TMEM216: variants seen among roughly 807,000 people sequenced by gnomAD.
TMEM216 encodes transmembrane protein 216.
Under a neutral mutation model 17.8 loss-of-function variants are expected in TMEM216, and 15 were observed. The ratio of observed to expected loss-of-function variants is 0.84; its 90% CI spans 0.56 to 1.30. TMEM216 has a LOEUF of 1.30. Ranked by LOEUF, TMEM216 falls within the 50% of genes most tolerant of loss-of-function variation. The probability of loss-of-function intolerance (pLI) is 0.00; values close to 1 mark genes in which losing one functional copy is unlikely to be tolerated. For synonymous variants in TMEM216, 58 were observed against 73.5 expected (o/e 0.79, Z 1.08); for missense variants, 160 against 175.7 (o/e 0.91, Z 0.51).
At chr11:61,392,793 A>C (rs750054635) in intron 1 of TMEM216, 128 bp downstream of exon 1, 28 of 1,521,724 alleles carry the variant, frequency 1.8e-5, no homozygotes, top group Non-Finnish European at 2.3e-5. Flanking sequence ...CCCTGGTCCA[A>C]AGCCGGCTTC....
At chr11:61,396,371 C>T (rs757565948) in intron 3 of TMEM216, among the ~76,000 whole-genome samples, 11 of 151,900 alleles carry the variant, frequency 7.2e-5, no homozygotes, top group Non-Finnish European at 1.3e-4. Context: ...CCCAGCTACT[C>T]GGGAGGGTGA....
Position 61,398,462 on chromosome 11 carries a change from G to T in TMEM216, c.*186G>T. ...CAGTGGGTACCATCTTCTAAACCAG[G>T]ACCATCAGCCCAAGAGACTCTTCTA... On this transcript the variant is annotated 3_prime_UTR_variant, in exon 5 of 5. Transcript: ENST00000515837. The T allele has an allele frequency of 1.6e-6, 1 of 630,776 alleles. No individual in the cohort carries two copies. The highest frequency in any genetic ancestry group is 2.8e-6 in the Non-Finnish European group (1 of 361,302). The allele number at this position is 630,776 out of a possible 1,614,324, so 39.1% of individuals were successfully genotyped here.
At chr11:61,398,192 A>G in intron 4 of TMEM216, 78 bp from the exon 5 acceptor site, 1 of 1,567,588 alleles carries the variant, frequency 6.4e-7, no homozygotes, top group Admixed American at 1.8e-5. Context: ...GAGGCTTGGA[A>G]TATAGAACAG....
chr11:61,395,307 C>T (rs938853044), intron 3 of TMEM216, among the ~76,000 whole-genome samples: 7 of 152,032 alleles, frequency 4.6e-5, no homozygotes, highest in Non-Finnish European at 7.4e-5. Flanking sequence ...CCCAGAAATA[C>T]AGAGCAAAAC....
intron 4 of TMEM216, 137 bp downstream of exon 4, chr11:61,398,112 C>A: frequency 7.2e-7 from 1 of 1,383,102 alleles, no homozygotes; most frequent in Non-Finnish European, 1.0e-6. Flanking sequence ...TATGGGATTG[C>A]CTTTCCTGTT....
intron 4 of TMEM216, 90 bp downstream of exon 4, chr11:61,398,065 T>C: frequency 6.6e-7 from 1 of 1,516,168 alleles, no homozygotes; most frequent in Non-Finnish European, 9.1e-7. Context: ...GCCTAAGGGG[T>C]CTAGAAGACT....
At chr11:61,392,709 G>A in intron 1 of TMEM216, 44 bp downstream of exon 1, 1 of 1,535,968 alleles carries the variant, frequency 6.5e-7, no homozygotes, top group Non-Finnish European at 8.7e-7. Flanking sequence ...CTTTCCCTTC[G>A]GTCGCTCCCT....
Position 61,392,590 on chromosome 11 carries a change from T to TC in TMEM216, c.-40dup. On this transcript the variant is annotated 5_prime_UTR_variant, in exon 1 of 5. Transcript: ENST00000515837. ...AAACCCAGGCCGCTTCGTCCCTGTTTCCGGCAGCGCCGCGCTGCTCCGGGA... is the reference window on the plus strand; with the variant it reads ...AAACCCAGGCCGCTTCGTCCCTGTTTCCCGGCAGCGCCGCGCTGCTCCGGGA... The TC allele has an allele frequency of 6.5e-7, 1 of 1,532,106 alleles. No homozygotes were observed. The highest frequency in any genetic ancestry group is 8.7e-7 in the Non-Finnish European group (1 of 1,144,444). The allele number at this position is 1,532,106 out of a possible 1,614,324, so 94.9% of individuals were successfully genotyped here.
At chr11:61,395,685 A>G (rs1858783208) in intron 3 of TMEM216, among the ~76,000 whole-genome samples, 3 of 151,920 alleles carry the variant, frequency 2.0e-5, no homozygotes, top group African/African-American at 7.2e-5. Flanking sequence ...GCAGTGAGCC[A>G]AGATCGCCCA....
chr11:61,393,361 C>T, intron 2 of TMEM216, 29 bp downstream of exon 2: 1 of 1,434,520 alleles, frequency 7.0e-7, no homozygotes, highest in Non-Finnish European at 9.5e-7. Context: ...TTGACGACAG[C>T]ATCCCTTCCC....
rs1858853129 is a variant in TMEM216, at chr11:61,398,520, C to A, written c.*244C>A. On this transcript the variant is annotated 3_prime_UTR_variant, in exon 5 of 5. Coordinates refer to ENST00000515837, the MANE Select transcript of TMEM216 (RefSeq NM_001173990.3). ...GTATAGGGAGGGGCAAGGTTATTCCCATCCTGCCCCTTCTCAGAACCAGTC... is the reference window on the plus strand; with the variant it reads ...GTATAGGGAGGGGCAAGGTTATTCCAATCCTGCCCCTTCTCAGAACCAGTC... The A allele has an allele frequency of 5.6e-6, 3 of 537,972 alleles. No individual in the cohort carries two copies. The Admixed American group carries it at 9.6e-5, about 17-fold the overall frequency. The allele number at this position is 537,972 out of a possible 1,614,324, so 33.3% of individuals were successfully genotyped here.
chr11:61,395,233 C>A (rs1324070091), intron 3 of TMEM216, among the ~76,000 whole-genome samples: 1 of 151,714 alleles, frequency 6.6e-6, no homozygotes, highest in Non-Finnish European at 1.5e-5. Context: ...GCCTTGGCCT[C>A]CCCAAGGTGC....
rs1479626697 is a variant in TMEM216, at chr11:61,398,042, G to T, written c.431+67G>T. On this transcript the variant is annotated intron_variant, in intron 4 of 4. Coordinates refer to ENST00000515837, the MANE Select transcript of TMEM216 (RefSeq NM_001173990.3). Reference sequence around the variant, plus strand: ...GGTTCCCATCCCAGGGAGGGATTCAGTATTCTTCTGAAGCCTAAGGGGTCT... The same window carrying T: ...GGTTCCCATCCCAGGGAGGGATTCATTATTCTTCTGAAGCCTAAGGGGTCT... The T allele has an allele frequency of 7.6e-6, 12 of 1,581,088 alleles. No individual in the cohort carries two copies. In the East Asian group the frequency reaches 1.6e-4, roughly 21 times the overall value.
chr11:61,392,940 A>C, intron 1 of TMEM216: 1 of 913,590 alleles, frequency 1.1e-6, no homozygotes, highest in Non-Finnish European at 1.3e-6. Context: ...CCCCTCCCAA[A>C]TAGTGACAGA....
chr11:61,397,307 C>T (rs936298806), intron 3 of TMEM216, among the ~76,000 whole-genome samples: 3 of 151,816 alleles, frequency 2.0e-5, no homozygotes, highest in Non-Finnish European at 4.4e-5. Context: ...GCTGGGACTA[C>T]AGGCGCCCGC....
rs1413884641 is a variant in TMEM216, at chr11:61,393,229, A to AT, written c.35-2_35-1insT. ...TCCCACTTCTCTGTGCTCCTTTTTC[A>AT]GGTAAACGGTTGTCCTCCACCCCGC... is the stretch of plus-strand genomic sequence containing the variant. On this transcript the variant is annotated splice_acceptor_variant, in intron 1 of 4. Coordinates refer to ENST00000515837, the MANE Select transcript of TMEM216 (RefSeq NM_001173990.3). LOFTEE classifies it high-confidence loss of function. 6.5e-7 allele frequency: 1 copy of AT among 1,534,260 alleles called. No individual in the cohort carries two copies. Among genetic ancestry groups the AT allele is most frequent in the Admixed American group, 2.0e-5 (1 of 50,854 alleles).
At chr11:61,394,169 G>C (rs1858745812) in intron 3 of TMEM216, 193 bp downstream of exon 3, 1 of 566,008 alleles carries the variant, frequency 1.8e-6, no homozygotes, top group African/African-American at 1.9e-5. Flanking sequence ...TGCTCTGTAA[G>C]GCTAGAGATG....
intron 4 of TMEM216, 118 bp from the exon 5 acceptor site, chr11:61,398,152 G>A: frequency 1.4e-6 from 2 of 1,442,120 alleles, no homozygotes; most frequent in Non-Finnish European, 1.9e-6. Context: ...CCCACTCAGG[G>A]AAGATACTCT....
intron 1 of TMEM216, chr11:61,393,027 C>T (rs186500997): frequency 3.3e-5 from 16 of 481,982 alleles, no homozygotes; most frequent in African/African-American, 2.1e-5. Flanking sequence ...TCGAGTTTCA[C>T]GGTGATTCCT....
Sources: gnomAD v4.1 joint callset for allele counts (sites outside exome capture counted in the v4.1 genomes callset) on GRCh38, gnomAD v4.1.1 for gene constraint, MANE v1.5 for transcripts, NCBI Gene and HGNC (gene_info 2026-07-23, HGNC 2026-07-21) for gene names.